COL25A1: variants seen among roughly 807,000 people sequenced by gnomAD.
The protein encoded by COL25A1 is collagen alpha-1(XXV) chain.
A neutral mutation model predicts 128.4 loss-of-function variants in COL25A1; 103 were observed. The ratio of observed to expected loss-of-function variants is 0.80; its 90% CI spans 0.68 to 0.94. COL25A1 has a LOEUF of 0.94. Ranked by LOEUF, COL25A1 falls within the 40% of genes least tolerant of loss-of-function variation. COL25A1 has a pLI of 0.00. For missense variants in COL25A1, 745 were observed against 840.0 expected, an observed-to-expected ratio of 0.89 and a Z score of 1.40; for synonymous variants, 279 against 277.2, an observed-to-expected ratio of 1.01 and a Z score of -0.06.
intron 3 of COL25A1, among the ~76,000 whole-genome samples, chr4:109,223,564 G>GT (rs2126212114): frequency 6.6e-6 from 1 of 152,228 alleles, no homozygotes; most frequent in African/African-American, 2.4e-5. Context: ...AAGAAAGTGA[G>GT]TGGGGACATC....
chr4:108,851,431 T>C (rs1050401092), intron 26 of COL25A1, among the ~76,000 whole-genome samples: 2 of 152,182 alleles, frequency 1.3e-5, no homozygotes, highest in African/African-American at 2.4e-5. Context: ...TGAAAGCTGA[T>C]ACGTGTGAGT....
intron 3 of COL25A1, among the ~76,000 whole-genome samples, chr4:109,288,510 A>G (rs1724111777): frequency 1.3e-5 from 2 of 152,096 alleles, no homozygotes; most frequent in African/African-American, 4.8e-5. Context: ...TTTATATTAA[A>G]TATTTATAAT....
At chr4:109,174,005 G>A (rs892098217) in intron 3 of COL25A1, among the ~76,000 whole-genome samples, 1 of 151,940 alleles carries the variant, frequency 6.6e-6, no homozygotes, top group Non-Finnish European at 1.5e-5. Context: ...TTTAGATTTG[G>A]GATGCTCAAT....
chr4:109,008,643 AAGGTATG>A (rs1756272137), intron 6 of COL25A1, among the ~76,000 whole-genome samples: 1 of 152,120 alleles, frequency 6.6e-6, no homozygotes, highest in Admixed American at 6.5e-5. Context: ...TGAGCACTAC[AAGGTATG>A]AGGGTTTTAG....
chr4:108,820,500 C>A (rs902890098), intron 35 of COL25A1, among the ~76,000 whole-genome samples: 46 of 152,078 alleles, frequency 3.0e-4, no homozygotes, highest in Non-Finnish European at 6.3e-4. Context: ...CCTTTTGTTA[C>A]AGCAAAACTT....
chr4:109,078,950 A>T (rs1415281909), intron 3 of COL25A1, among the ~76,000 whole-genome samples: 3 of 152,246 alleles, frequency 2.0e-5, no homozygotes, highest in African/African-American at 7.2e-5. Flanking sequence ...GTTTCTGCTT[A>T]CTACATGGAA....
intron 8 of COL25A1, among the ~76,000 whole-genome samples, chr4:108,965,607 C>T (rs1751207371): frequency 6.6e-6 from 1 of 152,160 alleles, no homozygotes; most frequent in East Asian, 1.9e-4. Flanking sequence ...GAGCCATTAT[C>T]ATCAAAGCCC....
intron 3 of COL25A1, among the ~76,000 whole-genome samples, chr4:109,117,025 CG>C (rs1283946638): frequency 1.3e-5 from 2 of 150,820 alleles, no homozygotes; most frequent in Non-Finnish European, 3.0e-5. Flanking sequence ...GAGACAACTA[CG>C]GAAGTGTAAC....
intron 13 of COL25A1, among the ~76,000 whole-genome samples, chr4:108,915,960 A>T (rs1468844702): frequency 6.6e-6 from 1 of 152,228 alleles, no homozygotes; most frequent in Non-Finnish European, 1.5e-5. Flanking sequence ...ATTTGTTTAA[A>T]AACAAATTCT....
chr4:108,889,231 G>T lies in COL25A1; in HGVS notation c.965C>A (p.Pro322Gln). ...IKGEPGESGRPGQKGEPGLPG... is the reference protein window; with the variant it reads ...IKGEPGESGRQGQKGEPGLPG... Reference sequence around the variant, plus strand: ...AGATAGAGATATTACCTTTTGCCCTGGACGACCAGATTCCCCAGGTTCTCC... The same window carrying T: ...AGATAGAGATATTACCTTTTGCCCTTGACGACCAGATTCCCCAGGTTCTCC... Residue 322 changes from proline to glutamine, a missense_variant, in exon 18 of 38, where the codon CCA becomes CAA. This residue lies in a region of COL25A1 where 387 missense variants were observed against 441.9 expected (regional missense o/e 0.88). Transcript: ENST00000399132. The T allele has an allele frequency of 6.2e-7, 1 of 1,613,472 alleles. No homozygotes were observed.
chr4:108,972,443 C>T (rs1485361790), intron 8 of COL25A1, among the ~76,000 whole-genome samples: 1 of 151,960 alleles, frequency 6.6e-6, no homozygotes, highest in Non-Finnish European at 1.5e-5. Context: ...GATCAATTTC[C>T]TAATATGTAG....
At chr4:108,836,271 A>C (rs2125739607) in intron 31 of COL25A1, among the ~76,000 whole-genome samples, 1 of 152,338 alleles carries the variant, frequency 6.6e-6, no homozygotes, top group East Asian at 1.9e-4. Flanking sequence ...ATGTTGCATA[A>C]AAATTATCAA....
intron 3 of COL25A1, among the ~76,000 whole-genome samples, chr4:109,253,485 C>T (rs1488233625): frequency 2.0e-5 from 3 of 152,150 alleles, no homozygotes; most frequent in African/African-American, 4.8e-5. Flanking sequence ...GGCCCACCCA[C>T]ATCGGGGAAG....
intron 11 of COL25A1, among the ~76,000 whole-genome samples, chr4:108,929,536 CAT>C (rs1405057335): frequency 1.3e-5 from 2 of 150,990 alleles, no homozygotes; most frequent in East Asian, 4.0e-4. Flanking sequence ...ATCTATAAGA[CAT>C]ATATAAATAT....
At chr4:109,167,563 C>T (rs1773188797) in intron 3 of COL25A1, among the ~76,000 whole-genome samples, 2 of 152,080 alleles carry the variant, frequency 1.3e-5, no homozygotes, top group African/African-American at 4.8e-5. Context: ...ACATTTGTAA[C>T]TGTAATTGAA....
At chr4:108,941,284 G>C in intron 9 of COL25A1, 82 bp downstream of exon 9, 2 of 1,122,216 alleles carry the variant, frequency 1.8e-6, no homozygotes, top group South Asian at 2.7e-5. Context: ...CCACCCATAA[G>C]AGATAAATCG....
At chr4:108,822,486 A>G (rs777904921) in intron 35 of COL25A1, among the ~76,000 whole-genome samples, 4 of 152,140 alleles carry the variant, frequency 2.6e-5, no homozygotes, top group Non-Finnish European at 4.4e-5. Flanking sequence ...GTATGAGCAT[A>G]GCTCACTGCA....
chr4:108,848,508 A>T (rs1303147895), intron 27 of COL25A1, among the ~76,000 whole-genome samples: 1 of 152,198 alleles, frequency 6.6e-6, no homozygotes, highest in Non-Finnish European at 1.5e-5. Context: ...AGTCTATTAA[A>T]AATTTGCAGG....
intron 8 of COL25A1, among the ~76,000 whole-genome samples, chr4:108,958,720 C>T (rs927314104): frequency 1.3e-5 from 2 of 151,810 alleles, no homozygotes. Flanking sequence ...TACAACTGTG[C>T]TAACTTTCTA....
Sources: gnomAD v4.1 joint callset for allele counts (sites outside exome capture counted in the v4.1 genomes callset) on GRCh38, gnomAD v4.1.1 for gene constraint, gnomAD v4.1.1 regional missense constraint, MANE v1.5 for transcripts, NCBI Gene and HGNC (gene_info 2026-07-23, HGNC 2026-07-21) for gene names.